ROBO2: variants seen among roughly 807,000 people sequenced by gnomAD.
ROBO2 encodes roundabout guidance receptor 2.
A neutral mutation model predicts 160.8 loss-of-function variants in ROBO2; 53 were observed. The ratio of observed to expected loss-of-function variants is 0.33; its 90% CI spans 0.26 to 0.41. The LOEUF is 0.41. Ranked by LOEUF, ROBO2 falls within the 10% of genes least tolerant of loss-of-function variation. The probability of loss-of-function intolerance (pLI) is 1.00; values close to 1 mark genes in which losing one functional copy is unlikely to be tolerated. For synonymous variants in ROBO2, 664 were observed against 611.7 expected (o/e 1.09, Z -1.26); for missense variants, 1,577 against 1,722.4 (o/e 0.92, Z 1.49).
intron 2 of ROBO2, among the ~76,000 whole-genome samples, chr3:77,397,500 G>T (rs962256609): frequency 2.6e-5 from 4 of 152,122 alleles, no homozygotes; most frequent in Admixed American, 2.0e-4. Flanking sequence ...GGCAGCCCAG[G>T]TTGGAGATGA....
chr3:77,104,871 G>A lies in ROBO2; in HGVS notation c.388+6531G>A, dbSNP rs112800577. Among the ~76,000 whole-genome samples, 318 of 152,154 alleles carry A rather than the reference G, an allele frequency of 2.1e-3. 2 individuals carry two copies. The highest frequency in any genetic ancestry group is 7.4e-3 in the African/African-American group (306 of 41,520). On this transcript the variant is annotated intron_variant, in intron 2 of 25. Coordinates refer to ENST00000461745, the Ensembl canonical transcript of ROBO2. ...GAACAATTAACCATATGGAAACAAC[G>A]GATGGCCACAAAGTTCCTAATAAAT...
upstream of ROBO2, among the ~76,000 whole-genome samples, chr3:77,038,773 G>A (rs999855061): frequency 6.6e-6 from 1 of 152,126 alleles, no homozygotes; most frequent in African/African-American, 2.4e-5. Flanking sequence ...CATCATCCCC[G>A]GTCCTGAATG....
intron 2 of ROBO2, among the ~76,000 whole-genome samples, chr3:76,293,323 T>G (rs1452991717): frequency 6.6e-6 from 1 of 152,202 alleles, no homozygotes; most frequent in Non-Finnish European, 1.5e-5. Context: ...GAACTGAATC[T>G]AATCTCTTAA....
At chr3:76,048,723 C>A (rs990325063) in intron 2 of ROBO2, among the ~76,000 whole-genome samples, 1 of 152,154 alleles carries the variant, frequency 6.6e-6, no homozygotes, top group Non-Finnish European at 1.5e-5. Flanking sequence ...AGCTTAGACA[C>A]ATGTGCATCA....
In ROBO2 at chr3:76,343,587, G is replaced by A. The variant is rs537721585; in HGVS notation, c.109+405985G>A. Among the ~76,000 whole-genome samples the A allele has an allele frequency of 1.4e-4, 21 of 151,520 alleles. 1 individual carries two copies. The South Asian group carries it at 3.8e-3, about 27-fold the overall frequency. ...GCCATTGAAACTAATGGTAAAAACC[G>A]CAATTACGTTTGCACCAACCTAATA... is the stretch of plus-strand genomic sequence containing the variant. On this transcript the variant is annotated intron_variant, in intron 2 of 26. Transcript: ENST00000487694.
intron 2 of ROBO2, among the ~76,000 whole-genome samples, chr3:76,990,674 G>T (rs1026112570): frequency 6.6e-6 from 1 of 152,064 alleles, no homozygotes; most frequent in African/African-American, 2.4e-5. Flanking sequence ...ATTGGTTGCA[G>T]CCAGCGCTAG....
intron 2 of ROBO2, among the ~76,000 whole-genome samples, chr3:76,512,043 G>A (rs562317777): frequency 3.3e-5 from 5 of 152,210 alleles, no homozygotes; most frequent in South Asian, 4.1e-4. Context: ...GACAAGAGCA[G>A]TATGTATCCA....
At chr3:76,006,594 T>C (rs939598100) in intron 2 of ROBO2, among the ~76,000 whole-genome samples, 9 of 152,238 alleles carry the variant, frequency 5.9e-5, no homozygotes, top group African/African-American at 2.2e-4. Context: ...ATTACATCTG[T>C]GACTTTTAGC....
At chr3:76,324,278 A>G (rs2072827126) in intron 2 of ROBO2, among the ~76,000 whole-genome samples, 1 of 152,242 alleles carries the variant, frequency 6.6e-6, no homozygotes, top group South Asian at 2.1e-4. Flanking sequence ...GGGATGAATC[A>G]AATGCTTTGA....
At chr3:76,240,569 C>CT (rs1282575136) in intron 2 of ROBO2, among the ~76,000 whole-genome samples, 4 of 152,206 alleles carry the variant, frequency 2.6e-5, no homozygotes, top group African/African-American at 9.6e-5. Context: ...CTAGAATAAT[C>CT]TAAGTGCTAT....
chr3:76,688,629 A>G (rs2197727), intron 2 of ROBO2, among the ~76,000 whole-genome samples: 86,622 of 151,260 alleles, frequency 0.57, 26,223 homozygotes, highest in East Asian at 0.78. Context: ...GTGTGTGTGC[A>G]TGCAAGAAAC....
intron 2 of ROBO2, among the ~76,000 whole-genome samples, chr3:77,458,392 A>G (rs1484374496): frequency 1.3e-5 from 2 of 152,222 alleles, no homozygotes; most frequent in East Asian, 1.9e-4. Context: ...AGGAGACAGA[A>G]AAGATTGAGG....
At chr3:76,962,032 C>CTT (rs1238894273) in intron 2 of ROBO2, among the ~76,000 whole-genome samples, 1 of 152,042 alleles carries the variant, frequency 6.6e-6, no homozygotes, top group African/African-American at 2.4e-5. Flanking sequence ...CACCTTAACT[C>CTT]TACAAACAAT....
chr3:77,646,181 G>A (rs764514413), exon 26 of ROBO2: 2 of 609,934 alleles, frequency 3.3e-6, no homozygotes, highest in Non-Finnish European at 5.5e-6. Context: ...TAAATGCAAT[G>A]TAAAGACACA....
rs1021035477 is a variant in ROBO2, at chr3:76,707,735, A to G, written c.110-390279A>G. On this transcript the variant is annotated intron_variant, in intron 2 of 26. Coordinates refer to the ROBO2 transcript ENST00000487694. ...CACATTAGAATACATGTGTGTGTAT[A>G]TATATATATATATATATATATATAT... Among the ~76,000 whole-genome samples the G allele has an allele frequency of 5.0e-4, 23 of 46,436 alleles. 1 individual carries two copies. Among genetic ancestry groups the G allele is most frequent in the Admixed American group, 1.1e-3 (5 of 4,644 alleles). The allele number at this position is 46,436 out of a possible 152,430, so 30.5% of individuals were successfully genotyped here.
At chr3:76,264,285 T>C (rs1470440640) in intron 2 of ROBO2, among the ~76,000 whole-genome samples, 1 of 150,336 alleles carries the variant, frequency 6.7e-6, no homozygotes, top group African/African-American at 2.4e-5. Flanking sequence ...AATTACAAAG[T>C]AATATTACCC....
In ROBO2 at chr3:75,970,908, A is replaced by G. The variant is rs935821490; in HGVS notation, c.109+33306A>G. On this transcript the variant is annotated intron_variant, in intron 2 of 26. Transcript: ENST00000487694. ...CATGAATATGAAATTAACCTCAATA[A>G]ATAATTTATTTTTGAAATCTTATTT... 2.6e-5 allele frequency among the ~76,000 whole-genome samples: 4 copies of G among 151,430 alleles called. No individual in the cohort carries two copies. The Admixed American group carries it at 2.6e-4, about 10-fold the overall frequency.
At chr3:76,163,040 A>G (rs1043575024) in intron 2 of ROBO2, among the ~76,000 whole-genome samples, 4 of 152,320 alleles carry the variant, frequency 2.6e-5, no homozygotes, top group Admixed American at 6.5e-5. Context: ...GAACCTATCA[A>G]GGTTACTGAA....
chr3:77,356,086 GT>G (rs2069080853), intron 2 of ROBO2, among the ~76,000 whole-genome samples: 1 of 152,126 alleles, frequency 6.6e-6, no homozygotes, highest in Non-Finnish European at 1.5e-5. Flanking sequence ...GGCATAGATT[GT>G]TTTGCATCAA....
Sources: allele counts gnomAD v4.1 joint callset (sites outside exome capture counted in the v4.1 genomes callset), GRCh38; gene constraint gnomAD v4.1.1; transcripts MANE v1.5; gene names NCBI Gene and HGNC (gene_info 2026-07-23, HGNC 2026-07-21).